The following PLD5 variants were observed in gnomAD, a reference collection of about 807,000 sequenced individuals.
PLD5 encodes inactive phospholipase D5.
Under a neutral mutation model 61.1 loss-of-function variants are expected in PLD5, and 36 were observed. The observed-to-expected ratio is 0.59, with a 90% confidence interval of 0.45 to 0.78. The LOEUF is 0.78. PLD5 is among the 30% of genes least tolerant of loss of function. The pLI, the probability that PLD5 is intolerant of heterozygous loss-of-function variation, is 0.00. For missense variants in PLD5, 515 were observed against 644.4 expected (o/e 0.80, Z 2.17); for synonymous variants, 243 against 242.8 (o/e 1.00, Z -0.01).
chr1:242,476,075 C>T (rs1199012098), intron 1 of PLD5, among the ~76,000 whole-genome samples: 1 of 152,216 alleles, frequency 6.6e-6, no homozygotes, highest in Non-Finnish European at 1.5e-5. Flanking sequence ...CCATATGGGC[C>T]AGGCAAAGGT....
intron 5 of PLD5, among the ~76,000 whole-genome samples, chr1:242,161,783 G>A (rs1189161995): frequency 6.6e-6 from 1 of 152,130 alleles, no homozygotes; most frequent in Non-Finnish European, 1.5e-5. Context: ...ATGTCTAGCA[G>A]GGACTGTTAG....
At chr1:242,219,276 T>G (rs552976629) in intron 5 of PLD5, among the ~76,000 whole-genome samples, 4 of 152,050 alleles carry the variant, frequency 2.6e-5, no homozygotes, top group Non-Finnish European at 5.9e-5. Flanking sequence ...GATCCCAAAT[T>G]TTGAGAGCTG....
At chr1:242,186,592 C>T (rs1317004637) in intron 5 of PLD5, among the ~76,000 whole-genome samples, 2 of 151,726 alleles carry the variant, frequency 1.3e-5, no homozygotes. Context: ...AAACAAAGAG[C>T]AAAAGAGAGG....
intron 1 of PLD5, among the ~76,000 whole-genome samples, chr1:242,447,871 C>T (rs1311438292): frequency 3.3e-5 from 5 of 152,138 alleles, no homozygotes; most frequent in Admixed American, 1.3e-4. Flanking sequence ...AGTATGCTGG[C>T]GCGAGAGGGA....
chr1:242,407,468 T>C (rs984003119), intron 1 of PLD5, among the ~76,000 whole-genome samples: 4 of 152,168 alleles, frequency 2.6e-5, no homozygotes, highest in African/African-American at 9.7e-5. Context: ...GAGGTAATCA[T>C]GACTAACAGT....
intron 5 of PLD5, among the ~76,000 whole-genome samples, chr1:242,125,421 C>T (rs1030960280): frequency 2.6e-5 from 4 of 152,008 alleles, no homozygotes; most frequent in Non-Finnish European, 5.9e-5. Flanking sequence ...AAAATACTAG[C>T]CCCAAGTTAG....
chr1:242,480,143 G>A (rs1667726566), intron 1 of PLD5, among the ~76,000 whole-genome samples: 1 of 152,148 alleles, frequency 6.6e-6, no homozygotes, highest in South Asian at 2.1e-4. Flanking sequence ...AGATAATGTG[G>A]TACTGGCATA....
chr1:242,331,585 T>C (rs372964435), intron 2 of PLD5, among the ~76,000 whole-genome samples: 1 of 152,126 alleles, frequency 6.6e-6, no homozygotes, highest in Non-Finnish European at 1.5e-5. Flanking sequence ...GAAAACATAA[T>C]TGCTAATGCC....
At chr1:242,304,538 G>A (rs1372436846) in intron 2 of PLD5, among the ~76,000 whole-genome samples, 1 of 152,198 alleles carries the variant, frequency 6.6e-6, no homozygotes, top group African/African-American at 2.4e-5. Context: ...AGTTCTGCAA[G>A]TTGATTCACT....
chr1:242,505,529 G>T (rs1668692506), intron 1 of PLD5, among the ~76,000 whole-genome samples: 1 of 151,908 alleles, frequency 6.6e-6, no homozygotes, highest in Admixed American at 6.6e-5. Flanking sequence ...TCTCAGGGAG[G>T]CTGTGATGGG....
At chr1:242,188,929 T>C (rs1264248053) in intron 5 of PLD5, 4 of 152,242 alleles carry the variant, frequency 2.6e-5, no homozygotes, top group African/African-American at 7.2e-5. Flanking sequence ...AAACTGGTTG[T>C]AGAGTATTTC....
intron 5 of PLD5, among the ~76,000 whole-genome samples, chr1:242,180,442 A>G (rs902088839): frequency 3.3e-5 from 5 of 152,278 alleles, no homozygotes; most frequent in African/African-American, 9.6e-5. Flanking sequence ...TGTGGTATCA[A>G]TGAAGAGAGG....
chr1:242,204,174 C>T (rs1669172897), intron 5 of PLD5, among the ~76,000 whole-genome samples: 1 of 151,202 alleles, frequency 6.6e-6, no homozygotes. Context: ...ACCCAGGAGG[C>T]GAAGCTTGCA....
chr1:242,433,011 CA>C (rs1490192410), intron 1 of PLD5, among the ~76,000 whole-genome samples: 1 of 151,946 alleles, frequency 6.6e-6, no homozygotes. Flanking sequence ...CACAATGACC[CA>C]AAAATGTCAA....
At chr1:242,228,318 GATGTT>G (rs1671082676) in intron 4 of PLD5, among the ~76,000 whole-genome samples, 1 of 152,188 alleles carries the variant, frequency 6.6e-6, no homozygotes, top group Admixed American at 6.5e-5. Flanking sequence ...TTTGTGAGTT[GATGTT>G]ATGTGCAGCG....
intron 1 of PLD5, among the ~76,000 whole-genome samples, chr1:242,422,294 T>C (rs1486030979): frequency 6.6e-6 from 1 of 152,208 alleles, no homozygotes; most frequent in African/African-American, 2.4e-5. Flanking sequence ...TTGGCTGGTG[T>C]ACCCCATCTA....
At position 242,208,025 on chromosome 1, in the gene PLD5, T is replaced by C. The variant is rs528043397; in HGVS notation, c.735+11963A>G. On this transcript the variant is annotated intron_variant, in intron 5 of 9. Transcript: ENST00000536534. ...ACACACACACACACACACACACACA[T>C]ACATATATGTATTTGAGACAGAGTC... Among the ~76,000 whole-genome samples, 47 of 76,666 alleles carry C rather than the reference T, an allele frequency of 6.1e-4. 2 individuals carry two copies. The East Asian group carries it at 8.6e-3, about 14-fold the overall frequency. The allele number at this position is 76,666 out of a possible 152,430, so 50.3% of individuals were successfully genotyped here. A position where few individuals can be genotyped will look rare whatever the true frequency, so the allele number is the denominator to read the frequency against.
chr1:242,119,504 T>A (rs12134533), intron 6 of PLD5, among the ~76,000 whole-genome samples: 29,245 of 152,170 alleles, frequency 0.19, 3,075 homozygotes, highest in Middle Eastern at 0.31. Flanking sequence ...ACAAATTTTT[T>A]AAATAACTTA....
At chr1:242,280,842 A>G (rs1368756016) in intron 3 of PLD5, among the ~76,000 whole-genome samples, 4 of 152,248 alleles carry the variant, frequency 2.6e-5, no homozygotes, top group Non-Finnish European at 5.9e-5. Context: ...GTTGTCAAAA[A>G]CAGGATTCTT....
Sources: gnomAD v4.1 joint callset for allele counts (sites outside exome capture counted in the v4.1 genomes callset) on GRCh38, gnomAD v4.1.1 for gene constraint, MANE v1.5 for transcripts, NCBI Gene and HGNC (gene_info 2026-07-23, HGNC 2026-07-21) for gene names.